MAST4: variants seen among roughly 807,000 people sequenced by gnomAD.
MAST4 encodes microtubule associated serine/threonine kinase family member 4, also known as microtubule-associated serine/threonine-protein kinase 4.
Under a neutral mutation model 162.7 loss-of-function variants are expected in MAST4, and 89 were observed. The ratio of observed to expected loss-of-function variants is 0.55; its 90% confidence interval spans 0.46 to 0.65. The LOEUF (loss-of-function observed/expected upper bound fraction) is 0.65, where lower values mean the gene tolerates loss of function less well. Ranked by LOEUF, MAST4 falls within the 30% of genes least tolerant of loss-of-function variation. MAST4 has a pLI of 0.00. For missense variants in MAST4, 3,153 were observed against 3,374.0 expected (o/e 0.93, Z 1.62); for synonymous variants, 1,479 against 1,361.1 (o/e 1.09, Z -1.91).
At chr5:66,630,367 A>G (rs888389001) in intron 1 of MAST4, among the ~76,000 whole-genome samples, 7 of 152,204 alleles carry the variant, frequency 4.6e-5, no homozygotes, top group African/African-American at 1.7e-4. Context: ...CATTTTGGGA[A>G]AATTGTGACT....
chr5:66,958,717 T>C (rs1024627414), intron 4 of MAST4, among the ~76,000 whole-genome samples: 1 of 152,174 alleles, frequency 6.6e-6, no homozygotes, highest in Non-Finnish European at 1.5e-5. Flanking sequence ...ATTTATTTCT[T>C]GGGGACTATG....
intron 1 of MAST4, among the ~76,000 whole-genome samples, chr5:66,728,778 C>T (rs1751667889): frequency 1.3e-5 from 2 of 152,146 alleles, no homozygotes; most frequent in South Asian, 2.1e-4. Flanking sequence ...TGTTATTTTC[C>T]TTTGGAAAAC....
At chr5:66,958,139 G>A (rs1342583646) in intron 4 of MAST4, among the ~76,000 whole-genome samples, 1 of 152,142 alleles carries the variant, frequency 6.6e-6, no homozygotes, top group Non-Finnish European at 1.5e-5. Context: ...GTGTGTATGT[G>A]TGAAAGAGAA....
intron 26 of MAST4, among the ~76,000 whole-genome samples, chr5:67,158,670 T>C (rs2151103476): frequency 6.6e-6 from 1 of 152,300 alleles, no homozygotes; most frequent in Non-Finnish European, 1.5e-5. Context: ...ACTGAATAAA[T>C]CATTTCTTAA....
At chr5:67,005,653 G>A (rs1008412899) in intron 4 of MAST4, among the ~76,000 whole-genome samples, 1 of 152,136 alleles carries the variant, frequency 6.6e-6, no homozygotes, top group Non-Finnish European at 1.5e-5. Flanking sequence ...ATTTTGTAAC[G>A]TATATTTGAT....
chr5:67,071,379 A>C (rs1004664159), intron 5 of MAST4, among the ~76,000 whole-genome samples: 1 of 152,142 alleles, frequency 6.6e-6, no homozygotes, highest in Non-Finnish European at 1.5e-5. Context: ...GGAGGGAGGG[A>C]GGTAGATAGA....
intron 23 of MAST4, among the ~76,000 whole-genome samples, chr5:67,147,281 A>T (rs188137578): frequency 8.7e-4 from 133 of 152,314 alleles, no homozygotes; most frequent in African/African-American, 3.1e-3. Flanking sequence ...AAGTCTGAAA[A>T]CCGTGACTGT....
chr5:67,164,151 T>C lies in MAST4; in HGVS notation c.4972T>C (p.Ser1658Pro). Reference protein sequence around the residue: ...GLCHSLDRGISGKGEGTEKSS... With the variant: ...GLCHSLDRGIPGKGEGTEKSS... ...CTGCCACTCCCTCGACAGGGGCATC[T>C]CTGGGAAGGGGGAAGGCACGGAGAA... The change falls in exon 29 of 29, where the codon TCT becomes CCT. Residue 1658 changes from serine (S) to proline (P), a missense_variant. By Grantham distance (74) the Ser-to-Pro change is moderately conservative. Transcript: ENST00000403625. This position sits in a 1 kb window ranked among gnomAD's most constrained non-coding sequence, Gnocchi z 5.3. 2 of 1,608,428 alleles carry C rather than the reference T, an allele frequency of 1.2e-6. No individual in the cohort carries two copies. Among genetic ancestry groups the C allele is most frequent in the Non-Finnish European group, 1.7e-6 (2 of 1,177,394 alleles).
At chr5:66,679,483 C>T (rs1580176540) in intron 1 of MAST4, among the ~76,000 whole-genome samples, 1 of 152,176 alleles carries the variant, frequency 6.6e-6, no homozygotes, top group East Asian at 1.9e-4. Flanking sequence ...ACTTTGCCCT[C>T]TCTCATTTCC....
At chr5:66,742,700 T>C (rs531560079) in intron 1 of MAST4, among the ~76,000 whole-genome samples, 169 of 152,286 alleles carry the variant, frequency 1.1e-3, no homozygotes, top group Admixed American at 1.7e-3. Flanking sequence ...CCTGATTGCA[T>C]GTGAAGGTGG....
chr5:66,825,875 A>G (rs1307684347), intron 3 of MAST4, among the ~76,000 whole-genome samples: 1 of 152,222 alleles, frequency 6.6e-6, no homozygotes, highest in Non-Finnish European at 1.5e-5. Flanking sequence ...TGAGGCTGGT[A>G]CTTTGTGAAT....
At chr5:66,897,112 G>A (rs180865546) in intron 3 of MAST4, among the ~76,000 whole-genome samples, 1 of 152,048 alleles carries the variant, frequency 6.6e-6, no homozygotes, top group East Asian at 1.9e-4. Flanking sequence ...TTAATCCAGT[G>A]TCAACAATTA....
At position 67,164,806 on chromosome 5, in the gene MAST4, T is replaced by C. The variant is rs759559885; in HGVS notation, c.5627T>C (p.Phe1876Ser). ...AAATCCTACCTGCTGGAGCCTTGGTTCCTGCCCCCCAGCCGAGGTCTCCAG... is the reference window on the plus strand; with the variant it reads ...AAATCCTACCTGCTGGAGCCTTGGTCCCTGCCCCCCAGCCGAGGTCTCCAG... Reference protein sequence around the residue: ...MNKSYLLEPWFLPPSRGLQNS... With the variant: ...MNKSYLLEPWSLPPSRGLQNS... The change falls in exon 29 of 29, where the codon TTC (phenylalanine) becomes TCC (serine). Residue 1876 changes from phenylalanine to serine, a missense_variant. Around this residue, in one of 7 missense-constraint regions of MAST4, gnomAD observed 1,644 missense variants for 1,495.0 expected, o/e 1.10. Coordinates refer to ENST00000403625, the MANE Select transcript of MAST4 (RefSeq NM_001164664.2). This position sits in a 1 kb window ranked among gnomAD's most constrained non-coding sequence, Gnocchi z 5.3. 6.2e-7 allele frequency: 1 copy of C among 1,613,972 alleles called. No homozygotes were observed. The highest frequency in any genetic ancestry group is 8.5e-7 in the Non-Finnish European group (1 of 1,179,892).
intron 4 of MAST4, among the ~76,000 whole-genome samples, chr5:67,031,456 A>G (rs1046011096): frequency 1.3e-5 from 2 of 148,396 alleles, no homozygotes; most frequent in Non-Finnish European, 3.0e-5. Context: ...ATCATAATGG[A>G]TGGTGACTAT....
intron 1 of MAST4, among the ~76,000 whole-genome samples, chr5:66,658,122 C>G (rs1453328455): frequency 6.6e-6 from 1 of 152,148 alleles, no homozygotes; most frequent in South Asian, 2.1e-4. Flanking sequence ...TGAAGAGAAG[C>G]ATTAAGTGGA....
chr5:67,146,605 T>A (rs1453466869), intron 23 of MAST4, among the ~76,000 whole-genome samples: 6 of 152,220 alleles, frequency 3.9e-5, no homozygotes, highest in African/African-American at 9.6e-5. Context: ...AGCTTTTTTT[T>A]AATCATTTCA....
chr5:67,034,221 A>C (rs1755734048), intron 4 of MAST4, among the ~76,000 whole-genome samples: 1 of 152,166 alleles, frequency 6.6e-6, no homozygotes, highest in Non-Finnish European at 1.5e-5. Flanking sequence ...AGTTGGCTTT[A>C]TGTAAGGTGC....
intron 1 of MAST4, among the ~76,000 whole-genome samples, chr5:66,636,081 C>T (rs1050092196): frequency 1.3e-5 from 2 of 150,390 alleles, no homozygotes; most frequent in Non-Finnish European, 3.0e-5. Flanking sequence ...CCTCAGCCTC[C>T]CGAGTAGCTG....
chr5:66,640,102 A>C (rs937094678), intron 1 of MAST4, among the ~76,000 whole-genome samples: 1 of 152,036 alleles, frequency 6.6e-6, no homozygotes, highest in Non-Finnish European at 1.5e-5. Context: ...CCCCACCTCT[A>C]TTCTGCTTCC....
Sources: allele counts gnomAD v4.1 joint callset (sites outside exome capture counted in the v4.1 genomes callset), GRCh38; gene constraint gnomAD v4.1.1; regional missense constraint gnomAD v4.1.1; non-coding constraint Gnocchi (gnomAD v3.1); transcripts MANE v1.5; gene names NCBI Gene and HGNC (gene_info 2026-07-23, HGNC 2026-07-21).